The following MSRB3 variants were observed in gnomAD, a reference collection of about 807,000 sequenced individuals.
MSRB3 encodes the protein methionine-R-sulfoxide reductase B3.
In MSRB3, 13 loss-of-function variants were observed where a neutral mutation model predicts 21.0. The ratio of observed to expected loss-of-function variants is 0.62; its 90% CI spans 0.40 to 0.98. The LOEUF (loss-of-function observed/expected upper bound fraction) is 0.98, where lower values mean the gene tolerates loss of function less well. Ranked by LOEUF, MSRB3 falls within the 50% of genes least tolerant of loss-of-function variation. The pLI is 0.00. For synonymous variants in MSRB3, 87 were observed against 88.6 expected (o/e 0.98, Z 0.10); for missense variants, 199 against 230.3 (o/e 0.86, Z 0.88).
intron 5 of MSRB3, among the ~76,000 whole-genome samples, chr12:65,409,125 T>C (rs1880577854): frequency 6.6e-6 from 1 of 151,356 alleles, no homozygotes; most frequent in Non-Finnish European, 1.5e-5. Context: ...ATTATATATA[T>C]ATATACACAA....
chr12:65,313,678 G>A (rs1353448681), intron 2 of MSRB3, among the ~76,000 whole-genome samples: 1 of 151,972 alleles, frequency 6.6e-6, no homozygotes, highest in East Asian at 1.9e-4. Flanking sequence ...TGTCCCTAAA[G>A]GAATTCTCTC....
At chr12:65,390,466 T>C (rs1879418116) in intron 5 of MSRB3, among the ~76,000 whole-genome samples, 1 of 152,182 alleles carries the variant, frequency 6.6e-6, no homozygotes, top group Non-Finnish European at 1.5e-5. Flanking sequence ...CTATTACTCA[T>C]AGAAATGCAA....
At chr12:65,382,412 G>A (rs1878986141) in intron 5 of MSRB3, among the ~76,000 whole-genome samples, 1 of 151,928 alleles carries the variant, frequency 6.6e-6, no homozygotes, top group South Asian at 2.1e-4. Context: ...ATTTTCCCCT[G>A]TGTTGTTATA....
chr12:65,291,461 A>T (rs145147356), intron 1 of MSRB3, among the ~76,000 whole-genome samples: 2 of 151,342 alleles, frequency 1.3e-5, no homozygotes, highest in East Asian at 3.9e-4. Context: ...CCCTTATTTA[A>T]ACATGTTTAA....
At chr12:65,328,699 T>C in intron 4 of MSRB3, 96 bp downstream of exon 4, 1 of 852,106 alleles carries the variant, frequency 1.2e-6, no homozygotes, top group Non-Finnish European at 2.0e-6. Context: ...TTGCTGAATT[T>C]TCTTCTGTTT....
At chr12:65,423,883 T>A (rs1881446996) in intron 5 of MSRB3, among the ~76,000 whole-genome samples, 1 of 152,220 alleles carries the variant, frequency 6.6e-6, no homozygotes, top group South Asian at 2.1e-4. Context: ...TCTCTTCAAT[T>A]CTTTGGAAGA....
At chr12:65,416,507 A>G (rs756936818) in intron 5 of MSRB3, among the ~76,000 whole-genome samples, 2 of 152,174 alleles carry the variant, frequency 1.3e-5, no homozygotes, top group Non-Finnish European at 2.9e-5. Flanking sequence ...ACAAACCTAG[A>G]TGGGATAGCC....
intron 5 of MSRB3, among the ~76,000 whole-genome samples, chr12:65,373,643 G>T (rs903297076): frequency 2.0e-5 from 3 of 152,104 alleles, no homozygotes; most frequent in Non-Finnish European, 4.4e-5. Context: ...CAACTCAAAG[G>T]TATAAGATTT....
At chr12:65,424,829 G>T (rs1044436966) in intron 5 of MSRB3, among the ~76,000 whole-genome samples, 9 of 150,140 alleles carry the variant, frequency 6.0e-5, no homozygotes, top group Non-Finnish European at 8.9e-5. Flanking sequence ...GGTCTGTTTG[G>T]TATGAAGTGT....
intron 5 of MSRB3, among the ~76,000 whole-genome samples, chr12:65,386,492 T>C (rs1377912280): frequency 1.3e-5 from 2 of 151,944 alleles, no homozygotes; most frequent in Non-Finnish European, 2.9e-5. Flanking sequence ...TTTCTAAAAT[T>C]TTTCTCTTGG....
chr12:65,461,226 A>G (rs556241617), intron 6 of MSRB3, among the ~76,000 whole-genome samples: 2 of 152,222 alleles, frequency 1.3e-5, no homozygotes, highest in South Asian at 4.2e-4. Context: ...CACCTTGACT[A>G]TTTTGGTAGG....
chr12:65,409,355 C>T (rs1210803691), intron 5 of MSRB3, among the ~76,000 whole-genome samples: 3 of 152,124 alleles, frequency 2.0e-5, no homozygotes, highest in East Asian at 3.9e-4. Flanking sequence ...GTAATATAGT[C>T]TATTGCTCCT....
chr12:65,420,845 C>T (rs186693865), intron 5 of MSRB3, among the ~76,000 whole-genome samples: 61 of 152,230 alleles, frequency 4.0e-4, no homozygotes, highest in Non-Finnish European at 3.7e-4. Context: ...ATATATGTGC[C>T]GCATTTTCTT....
intron 4 of MSRB3, among the ~76,000 whole-genome samples, chr12:65,344,670 C>T (rs1876369779): frequency 6.6e-6 from 1 of 151,556 alleles, no homozygotes; most frequent in African/African-American, 2.4e-5. Context: ...GAAGTTTATA[C>T]GGTGTGAAGA....
intron 4 of MSRB3, among the ~76,000 whole-genome samples, chr12:65,351,025 C>T (rs1367056170): frequency 6.6e-6 from 1 of 151,724 alleles, no homozygotes; most frequent in Non-Finnish European, 1.5e-5. Flanking sequence ...TTCAGCACCA[C>T]ACCACGCCTA....
intron 5 of MSRB3, among the ~76,000 whole-genome samples, chr12:65,369,558 A>G (rs537432040): frequency 4.3e-4 from 65 of 152,292 alleles, no homozygotes; most frequent in South Asian, 3.9e-3. Flanking sequence ...CAAAATTTAC[A>G]TTCTCACAAG....
At chr12:65,436,402 T>C (rs1263194175) in intron 5 of MSRB3, among the ~76,000 whole-genome samples, 1 of 151,822 alleles carries the variant, frequency 6.6e-6, no homozygotes, top group Non-Finnish European at 1.5e-5. Context: ...ATTTACTATA[T>C]AACGCATTTG....
intron 2 of MSRB3, among the ~76,000 whole-genome samples, chr12:65,310,355 A>G (rs1033388114): frequency 3.9e-5 from 6 of 152,134 alleles, no homozygotes; most frequent in African/African-American, 7.2e-5. Context: ...TGTAATTGGG[A>G]GAGATTCAGA....
intron 2 of MSRB3, among the ~76,000 whole-genome samples, chr12:65,326,164 G>T (rs1243930697): frequency 6.6e-6 from 1 of 152,036 alleles, no homozygotes; most frequent in Non-Finnish European, 1.5e-5. Flanking sequence ...GCCTTCTCCT[G>T]TAGTTTATTG....
Sources: gnomAD v4.1 joint callset for allele counts (sites outside exome capture counted in the v4.1 genomes callset) on GRCh38, gnomAD v4.1.1 for gene constraint, MANE v1.5 for transcripts, NCBI Gene and HGNC (gene_info 2026-07-23, HGNC 2026-07-21) for gene names.